Variants in CDH1 observed in about 807,000 individuals in gnomAD.
CDH1 encodes the protein cadherin-1.
CDH1 carries 35 observed loss-of-function variants against 84.5 expected under a neutral mutation model. The ratio of observed to expected loss-of-function variants is 0.41; its 90% CI spans 0.32 to 0.55. The LOEUF is 0.55. CDH1 is among the 20% of genes least tolerant of loss of function. CDH1 has a pLI of 0.19. For missense variants in CDH1, 994 were observed against 1,126.6 expected (o/e 0.88, Z 1.68); for synonymous variants, 417 against 439.0 (o/e 0.95, Z 0.63).
rs1248108954 is a variant in CDH1 at position 68,811,392 on chromosome 16, G to A, written c.833-292G>A. Among the ~76,000 whole-genome samples, 5 of 99,662 alleles carry A rather than the reference G, an allele frequency of 5.0e-5. No homozygotes were observed. The East Asian group carries it at 1.1e-3, about 22-fold the overall frequency. 65.4% of individuals were successfully genotyped at this position (99,662 alleles called of 152,430 possible). A position where few individuals can be genotyped will look rare whatever the true frequency, so the allele number is the denominator to read the frequency against. On this transcript the variant is annotated intron_variant, in intron 6 of 15. Transcript: ENST00000261769. ...GCCTGGGCAACAGGAGCAAAACTCC[G>A]TCTCAAAAAAAAAAAAAAAAAAAAA... is the stretch of plus-strand genomic sequence containing the variant.
chr16:68,737,877 C>A (rs1210217623), intron 1 of CDH1, among the ~76,000 whole-genome samples: 1 of 152,184 alleles, frequency 6.6e-6, no homozygotes, highest in African/African-American at 2.4e-5. Flanking sequence ...ATAAAGGCAC[C>A]TGCCATGCCA....
chr16:68,829,003 G>T (rs776058428), intron 14 of CDH1, among the ~76,000 whole-genome samples: 1 of 152,126 alleles, frequency 6.6e-6, no homozygotes, highest in African/African-American at 2.4e-5. Flanking sequence ...GGGATACCAC[G>T]TATATTGTAT....
At chr16:68,817,140 T>G (rs1049681239) in intron 10 of CDH1, among the ~76,000 whole-genome samples, 9 of 152,234 alleles carry the variant, frequency 5.9e-5, no homozygotes, top group African/African-American at 1.9e-4. Flanking sequence ...CCTTTCCTCC[T>G]TTGATTTCTT....
At position 68,787,811 on chromosome 16, in the gene CDH1, A is replaced by T. The variant is rs1039788057; in HGVS notation, c.164-13859A>T. Among the ~76,000 whole-genome samples the T allele has an allele frequency of 3.8e-5, 5 of 130,266 alleles. No homozygotes were observed. In the South Asian group the frequency reaches 1.2e-3, roughly 32 times the overall value. The allele number at this position is 130,266 out of a possible 152,430, so 85.5% of individuals were successfully genotyped here. A position where few individuals can be genotyped will look rare whatever the true frequency, so the allele number is the denominator to read the frequency against. On this transcript the variant is annotated intron_variant, in intron 2 of 15. Coordinates refer to ENST00000261769, the MANE Select transcript of CDH1 (RefSeq NM_004360.5). ...GTAGCTGGGATTATAGACACCCACCACCACGCCCGGCTAATTTTTTTTTTT... is the reference window on the plus strand; with the variant it reads ...GTAGCTGGGATTATAGACACCCACCTCCACGCCCGGCTAATTTTTTTTTTT...
At chr16:68,802,541 A>G (rs940415756) in intron 3 of CDH1, among the ~76,000 whole-genome samples, 1 of 151,194 alleles carries the variant, frequency 6.6e-6, no homozygotes, top group Admixed American at 6.6e-5. Flanking sequence ...CAGTGGCGTG[A>G]CTCACAGCAA....
intron 2 of CDH1, among the ~76,000 whole-genome samples, chr16:68,800,215 T>C (rs901281298): frequency 1.3e-5 from 2 of 150,728 alleles, no homozygotes; most frequent in African/African-American, 2.4e-5. Flanking sequence ...AAGGCCTTAA[T>C]AGGGTCTCTC....
rs749203461 is a variant in CDH1 at position 68,833,464 on chromosome 16, C to T, written c.2614C>T (p.Leu872=). 6.2e-7 allele frequency: 1 copy of T among 1,614,106 alleles called. No individual in the cohort carries two copies. Among genetic ancestry groups the T allele is most frequent in the East Asian group, 2.2e-5 (1 of 44,888 alleles). Residue 872 remains leucine (L), a synonymous_variant, in exon 16 of 16, where the codon CTG becomes TTG. Coordinates refer to ENST00000261769, the MANE Select transcript of CDH1 (RefSeq NM_004360.5). ...LNEWGNRFKK[L]ADMYGGGEDD is the part of the protein sequence containing the mutation. ...CGAATGGGGCAATCGCTTCAAGAAG[C>T]TGGCTGACATGTACGGAGGCGGCGA...
At chr16:68,818,533 CTTTTTTT>C (rs869272949) in intron 10 of CDH1, among the ~76,000 whole-genome samples, 1 of 123,350 alleles carries the variant, frequency 8.1e-6, no homozygotes, top group Admixed American at 8.3e-5. Flanking sequence ...TCTTGGTTTT[CTTTTTTT>C]TTTTTTTTTT....
chr16:68,801,667 C>T lies in CDH1; in HGVS notation c.164-3C>T, dbSNP rs2152126584. 1 of 1,610,096 alleles carries T rather than the reference C, an allele frequency of 6.2e-7. No homozygotes were observed. Among genetic ancestry groups the T allele is most frequent in the African/African-American group, 1.3e-5 (1 of 74,948 alleles). ...CCTAATCTCTGTGATTTCTGCCCTG[C>T]AGTGAATTTTGAAGATTGCACCGGT... is the stretch of plus-strand genomic sequence containing the variant. On this transcript the variant is annotated splice_polypyrimidine_tract_variant and splice_region_variant and intron_variant, in intron 2 of 15. Coordinates refer to ENST00000261769, the MANE Select transcript of CDH1 (RefSeq NM_004360.5).
At position 68,773,259 on chromosome 16, in the gene CDH1, C is replaced by T. The variant is rs370261436; in HGVS notation, c.164-28411C>T. Reference sequence around the variant, plus strand: ...TTGGAGACAAAATTGCACATGTGAGCAACCTTGACATTGAGTTATACTCAA... The same window carrying T: ...TTGGAGACAAAATTGCACATGTGAGTAACCTTGACATTGAGTTATACTCAA... On this transcript the variant is annotated intron_variant, in intron 2 of 15. Coordinates refer to ENST00000261769, the MANE Select transcript of CDH1 (RefSeq NM_004360.5). 2.0e-4 allele frequency among the ~76,000 whole-genome samples: 30 copies of T among 151,234 alleles called. 1 individual carries two copies. Among genetic ancestry groups the T allele is most frequent in the African/African-American group, 7.3e-4 (30 of 41,170 alleles).
At chr16:68,786,520 CTTTTTTTTTTTTTCTTTTTT>C (rs1175364464) in intron 2 of CDH1, among the ~76,000 whole-genome samples, 1 of 77,534 alleles carries the variant, frequency 1.3e-5, no homozygotes, top group African/African-American at 5.0e-5. Flanking sequence ...TTTCTGCTTT[CTTTTTTTTTTTTTCTTTTTT>C]TTTTTTTTTT....
chr16:68,748,721 T>C (rs1962812068), intron 2 of CDH1, among the ~76,000 whole-genome samples: 1 of 152,258 alleles, frequency 6.6e-6, no homozygotes, highest in South Asian at 2.1e-4. Context: ...AAGACTGTGA[T>C]CCATTTGCAC....
At chr16:68,755,760 A>ATT (rs34523825) in intron 2 of CDH1, among the ~76,000 whole-genome samples, 63 of 122,458 alleles carry the variant, frequency 5.1e-4, no homozygotes, top group African/African-American at 1.3e-3. Context: ...AGTTTTCTAA[A>ATT]TTTTTTTTTT....
intron 8 of CDH1, 135 bp from the exon 9 acceptor site, chr16:68,813,178 A>T: frequency 1.1e-6 from 1 of 907,018 alleles, no homozygotes; most frequent in South Asian, 1.4e-5. Context: ...GATCGCTCAA[A>T]TACACTCCAG....
intron 2 of CDH1, among the ~76,000 whole-genome samples, chr16:68,771,546 G>C (rs1959573714): frequency 1.3e-5 from 2 of 152,042 alleles, no homozygotes; most frequent in Admixed American, 1.3e-4. Flanking sequence ...AAGGTCAAGA[G>C]ATCGAGACCA....
In CDH1 at chr16:68,822,806, G is replaced by A. The variant is rs1461679656; in HGVS notation, c.1936+581G>A. 20 of 246,276 alleles carry A rather than the reference G, an allele frequency of 8.1e-5. No individual in the cohort carries two copies. In the South Asian group the frequency reaches 8.5e-4, roughly 11 times the overall value. 15.3% of individuals were successfully genotyped at this position (246,276 alleles called of 1,614,324 possible). ...CTTGAAAATGCAAAACCAGTGTGGC[G>A]GCCGCACTGTCTTCCCGGACATCCA... On this transcript the variant is annotated intron_variant, in intron 12 of 15. Transcript: ENST00000261769.
chr16:68,826,154 A>C (rs540116425), intron 13 of CDH1, among the ~76,000 whole-genome samples: 8 of 148,388 alleles, frequency 5.4e-5, no homozygotes, highest in African/African-American at 2.0e-4. Flanking sequence ...TACTTGAAAT[A>C]TTTTTTTTTT....
chr16:68,784,291 C>T (rs1161926689), intron 2 of CDH1, among the ~76,000 whole-genome samples: 1 of 152,150 alleles, frequency 6.6e-6, no homozygotes, highest in Non-Finnish European at 1.5e-5. Context: ...TGGTACAGTT[C>T]CGCCTCTGTG....
intron 8 of CDH1, 111 bp downstream of exon 8, chr16:68,812,374 A>G: frequency 8.4e-7 from 1 of 1,192,800 alleles, no homozygotes; most frequent in Non-Finnish European, 1.2e-6. Flanking sequence ...TCCAGACTAG[A>G]GAATGTTAAC....
Sources: gnomAD v4.1 joint callset for allele counts (sites outside exome capture counted in the v4.1 genomes callset) on GRCh38, gnomAD v4.1.1 for gene constraint, MANE v1.5 for transcripts, NCBI Gene and HGNC (gene_info 2026-07-23, HGNC 2026-07-21) for gene names.